SMYD3: variants seen among roughly 807,000 people sequenced by gnomAD.
SMYD3 encodes histone-lysine N-methyltransferase SMYD3.
Under a neutral mutation model 57.7 loss-of-function variants are expected in SMYD3, and 36 were observed. The ratio of observed to expected loss-of-function variants is 0.62; its 90% CI spans 0.48 to 0.82. The LOEUF is 0.82. SMYD3 is among the 40% of genes least tolerant of loss of function. SMYD3 has a pLI of 0.00. For missense variants in SMYD3, 515 were observed against 538.8 expected (o/e 0.96, Z 0.44); for synonymous variants, 211 against 195.0 (o/e 1.08, Z -0.68).
chr1:245,927,562 C>G (rs570215747), intron 7 of SMYD3, among the ~76,000 whole-genome samples: 13 of 152,064 alleles, frequency 8.5e-5, no homozygotes, highest in Non-Finnish European at 1.6e-4. Context: ...TGGGATGCCC[C>G]CCCCTGCCCA....
intron 8 of SMYD3, 111 bp from the exon 9 acceptor site, chr1:245,863,997 T>C (rs2051693258): frequency 1.1e-6 from 1 of 905,836 alleles, no homozygotes; most frequent in South Asian, 1.5e-5. Flanking sequence ...GAAAAGATGC[T>C]TGGCATCATT....
chr1:246,475,900 C>G (rs2068024969), intron 1 of SMYD3, among the ~76,000 whole-genome samples: 1 of 152,138 alleles, frequency 6.6e-6, no homozygotes, highest in Admixed American at 6.5e-5. Context: ...CAGGCGTGAG[C>G]CACCACGTCC....
chr1:246,342,406 T>G (rs2065646879), intron 2 of SMYD3, among the ~76,000 whole-genome samples: 1 of 152,112 alleles, frequency 6.6e-6, no homozygotes, highest in African/African-American at 2.4e-5. Context: ...TGATAGCAAA[T>G]AAATAATGCC....
At chr1:246,220,382 C>T (rs189456955) in intron 5 of SMYD3, among the ~76,000 whole-genome samples, 1 of 149,834 alleles carries the variant, frequency 6.7e-6, no homozygotes, top group Non-Finnish European at 1.5e-5. Context: ...CAAACCATGG[C>T]TGCAGACCTG....
chr1:245,786,202 TG>T (rs1203298943), intron 10 of SMYD3, among the ~76,000 whole-genome samples: 9 of 78,014 alleles, frequency 1.2e-4, no homozygotes, highest in South Asian at 1.1e-3. Context: ...TGAGTTGAGT[TG>T]GGGTGTGGAC....
intron 8 of SMYD3, among the ~76,000 whole-genome samples, chr1:245,908,292 C>T (rs191766767): frequency 2.6e-4 from 39 of 152,178 alleles, no homozygotes; most frequent in Middle Eastern, 3.4e-3. Flanking sequence ...ATCAATTCAG[C>T]GATAGGATAT....
chr1:245,863,380 G>C (rs2051658982), intron 9 of SMYD3, among the ~76,000 whole-genome samples: 1 of 152,180 alleles, frequency 6.6e-6, no homozygotes, highest in African/African-American at 2.4e-5. Context: ...TGCCATTGTA[G>C]TCGTGGCTGG....
In SMYD3 at chr1:245,816,175, T is replaced by A. The variant is rs76015774; in HGVS notation, c.1076+42321A>T. Among the ~76,000 whole-genome samples the A allele has an allele frequency of 1.8e-3, 274 of 152,212 alleles. 1 individual carries two copies. Among genetic ancestry groups the A allele is most frequent in the African/African-American group, 6.5e-3 (269 of 41,536 alleles). ...TACCTGTCGCTAGCCTTCCTAAATA[T>A]CCCAAGAAATCAAGAATTTTCTCCC... is the stretch of plus-strand genomic sequence containing the variant. On this transcript the variant is annotated intron_variant, in intron 10 of 11. Coordinates refer to ENST00000490107, the MANE Select transcript of SMYD3 (RefSeq NM_001167740.2).
Position 245,993,667 on chromosome 1 carries a change from T to C in SMYD3, c.532-63730A>G, listed in dbSNP as rs4654075. 3.1e-3 allele frequency among the ~76,000 whole-genome samples: 346 copies of C among 111,180 alleles called. 1 individual carries two copies. The highest frequency in any genetic ancestry group is 0.011 in the African/African-American group (300 of 28,082). The allele number at this position is 111,180 out of a possible 152,430, so 72.9% of individuals were successfully genotyped here. On this transcript the variant is annotated intron_variant, in intron 5 of 11. Coordinates refer to ENST00000490107, the MANE Select transcript of SMYD3 (RefSeq NM_001167740.2). ...ACAGACAGACAGACAGACAGACAGA[T>C]ATAGATTCCATTTACATGAGGGACC... is the stretch of plus-strand genomic sequence containing the variant.
At chr1:246,178,007 T>C (rs747661899) in intron 5 of SMYD3, among the ~76,000 whole-genome samples, 1 of 152,236 alleles carries the variant, frequency 6.6e-6, no homozygotes, top group Non-Finnish European at 1.5e-5. Flanking sequence ...AGTGGTTTCC[T>C]ATTTGAATGT....
chr1:246,152,341 T>A (rs1245910953), intron 5 of SMYD3, among the ~76,000 whole-genome samples: 1 of 152,148 alleles, frequency 6.6e-6, no homozygotes, highest in African/African-American at 2.4e-5. Flanking sequence ...ACAAGGACAC[T>A]CAGAACTGAC....
At chr1:245,969,871 T>C (rs1489419176) in intron 5 of SMYD3, among the ~76,000 whole-genome samples, 1 of 152,228 alleles carries the variant, frequency 6.6e-6, no homozygotes, top group Non-Finnish European at 1.5e-5. Flanking sequence ...CTCTAAAAAG[T>C]ATTATTTTTG....
chr1:246,095,913 T>C (rs1015350094), intron 5 of SMYD3, among the ~76,000 whole-genome samples: 5 of 152,134 alleles, frequency 3.3e-5, no homozygotes, highest in Non-Finnish European at 5.9e-5. Context: ...AGAAATGGCC[T>C]GAACATCAAC....
intron 5 of SMYD3, among the ~76,000 whole-genome samples, chr1:246,089,700 C>T (rs985027039): frequency 1.3e-5 from 2 of 152,136 alleles, no homozygotes; most frequent in African/African-American, 4.8e-5. Context: ...AACCAAAAGT[C>T]TCGGGTAGAA....
intron 10 of SMYD3, among the ~76,000 whole-genome samples, chr1:245,812,332 C>T (rs1243746405): frequency 6.6e-6 from 1 of 152,208 alleles, no homozygotes; most frequent in Non-Finnish European, 1.5e-5. Context: ...TTTCAGTTCC[C>T]TGAATGTGCT....
At chr1:246,225,351 A>AAC (rs2063315251) in intron 5 of SMYD3, among the ~76,000 whole-genome samples, 1 of 141,206 alleles carries the variant, frequency 7.1e-6, no homozygotes, top group Admixed American at 7.1e-5. Context: ...AAAAAAAAAA[A>AAC]AAAAAACAGA....
At chr1:245,774,678 T>TCTCCACGGTCTCCCTCTCCCTCTC in intron 10 of SMYD3, among the ~76,000 whole-genome samples, 1 of 115,502 alleles carries the variant, frequency 8.7e-6, no homozygotes, top group East Asian at 2.6e-4. Flanking sequence ...TCCCTCTCCC[T>TCTCCACGGTCTCCCTCTCCCTCTC]TTCCCACGGT....
chr1:246,499,399 T>TACACAC (rs1223387340), intron 1 of SMYD3, among the ~76,000 whole-genome samples: 135 of 39,672 alleles, frequency 3.4e-3, no homozygotes, highest in African/African-American at 7.8e-3. Context: ...AACCATCAAA[T>TACACAC]ATACACACAC....
intron 5 of SMYD3, among the ~76,000 whole-genome samples, chr1:246,046,599 A>G (rs2059970123): frequency 6.6e-6 from 1 of 150,560 alleles, no homozygotes; most frequent in African/African-American, 2.4e-5. Context: ...CGTTGTGTGC[A>G]GGTACCTTAG....
Sources: allele counts gnomAD v4.1 joint callset (sites outside exome capture counted in the v4.1 genomes callset), GRCh38; gene constraint gnomAD v4.1.1; transcripts MANE v1.5; gene names NCBI Gene and HGNC (gene_info 2026-07-23, HGNC 2026-07-21).